Variants in NCOR2 observed in about 807,000 individuals in gnomAD.
NCOR2 encodes nuclear receptor corepressor 2, also known as CTG repeat protein 26.
In NCOR2, 81 loss-of-function variants were observed where a neutral mutation model predicts 262.9. The ratio of observed to expected loss-of-function variants is 0.31; its 90% CI spans 0.26 to 0.37. The LOEUF (loss-of-function observed/expected upper bound fraction) is 0.37. NCOR2 is among the 10% of genes least tolerant of loss of function. The pLI is 1.00. For missense variants in NCOR2, 3,385 were observed against 3,621.4 expected, an observed-to-expected ratio of 0.93 and a Z score of 1.68; for synonymous variants, 1,659 against 1,559.3, an observed-to-expected ratio of 1.06 and a Z score of -1.51.
chr12:124,486,441 C>T, exon 2 of NCOR2: 3 of 1,612,610 alleles, frequency 1.9e-6, no homozygotes, highest in Non-Finnish European at 2.5e-6. Flanking sequence ...CTCTCCTCAC[C>T]GTTCATTCCC....
intron 1 of NCOR2, chr12:124,556,115 G>C (rs1234018411): frequency 6.6e-6 from 1 of 152,304 alleles, no homozygotes; most frequent in Admixed American, 6.5e-5. Flanking sequence ...CTCTCTGTGG[G>C]CTTATGTTCA....
At chr12:124,327,667 A>C in intron 44 of NCOR2, 34 bp from the exon 47 acceptor site, 25 of 1,220,242 alleles carry the variant, frequency 2.0e-5, no homozygotes, top group Non-Finnish European at 2.5e-5. Flanking sequence ...AGACAGACAC[A>C]TGGGGGCCGG....
At chr12:124,422,668 GC>G in intron 11 of NCOR2, 113 bp from the exon 14 acceptor site, 1 of 1,279,322 alleles carries the variant, frequency 7.8e-7, no homozygotes, top group Non-Finnish European at 1.1e-6. Context: ...GGCGGGCACC[GC>G]CCCACTTGGA....
chr12:124,379,708 C>T (rs1001440046), intron 17 of NCOR2, among the ~76,000 whole-genome samples: 6 of 152,228 alleles, frequency 3.9e-5, no homozygotes, highest in African/African-American at 1.4e-4. Context: ...TTCACATCAA[C>T]CCGGAACCTC....
At chr12:124,562,539 G>A (rs1240495839) in intron 1 of NCOR2, among the ~76,000 whole-genome samples, 2 of 151,978 alleles carry the variant, frequency 1.3e-5, no homozygotes, top group Non-Finnish European at 2.9e-5. Context: ...CACAGCCTTC[G>A]CCCACTCTCC....
intron 13 of NCOR2, among the ~76,000 whole-genome samples, chr12:124,416,016 G>A (rs1565922421): frequency 6.6e-6 from 1 of 152,036 alleles, no homozygotes; most frequent in South Asian, 2.1e-4. Flanking sequence ...TTAAAATCAG[G>A]CAGTTTCACA....
Position 124,548,695 on chromosome 12 carries a change from C to T in NCOR2, c.-164-13084G>A, listed in dbSNP as rs1263373218. ...GGCGGGGGATCTCCATGGCAGGGTC[C>T]CCACCCCAGGGATGTTTTTGGCTGC... On this transcript the variant is annotated intron_variant, in intron 1 of 32. Transcript: ENST00000458234. This position sits in a 1 kb window ranked among gnomAD's most constrained non-coding sequence, Gnocchi z 5.1. Among the ~76,000 whole-genome samples the T allele has an allele frequency of 6.6e-6, 1 of 151,990 alleles. No homozygotes were observed. The highest frequency in any genetic ancestry group is 1.9e-4 in the East Asian group (1 of 5,182).
Position 124,329,013 on chromosome 12 carries a change from G to A in NCOR2, c.6959-1380C>T, listed in dbSNP as rs1360154052. ...GTGAGTGCTGAAATCACAGCAGCGC[G>A]ACTGGGCCTTCTACCCAAGGCCACG... On this transcript the variant is annotated intron_variant, in intron 44 of 46. Transcript: ENST00000405201. The A allele has an allele frequency of 2.3e-5, 10 of 435,756 alleles. No homozygotes were observed. In the East Asian group the frequency reaches 7.2e-4, roughly 31 times the overall value. The allele number at this position is 435,756 out of a possible 1,614,324, so 27.0% of individuals were successfully genotyped here.
Position 124,432,790 on chromosome 12 carries a change from G to T in NCOR2, c.883-2003C>A, listed in dbSNP as rs1161970827. ...GCCTGCTGCATGTCCTTTGAGAAGA[G>T]ATCCCCAATCAGCCCAGAGCATAGC... On this transcript the variant is annotated intron_variant, in intron 8 of 46. Coordinates refer to ENST00000405201, the Ensembl canonical transcript of NCOR2. The surrounding 1 kb of genome is among the most constrained non-coding windows in gnomAD (Gnocchi z 5.1). Among the ~76,000 whole-genome samples, 1 of 143,632 alleles carries T rather than the reference G, an allele frequency of 7.0e-6. No individual in the cohort carries two copies. The highest frequency in any genetic ancestry group is 7.5e-5 in the Admixed American group (1 of 13,312). The allele number at this position is 143,632 out of a possible 152,430, so 94.2% of individuals were successfully genotyped here.
At chr12:124,364,286 A>C (rs1323027432) in intron 20 of NCOR2, among the ~76,000 whole-genome samples, 1 of 152,218 alleles carries the variant, frequency 6.6e-6, no homozygotes, top group African/African-American at 2.4e-5. Context: ...TCACCAAGAG[A>C]TTCCTCATCA....
intron 3 of NCOR2, among the ~76,000 whole-genome samples, chr12:124,473,457 T>A (rs1006763524): frequency 6.6e-6 from 1 of 152,180 alleles, no homozygotes; most frequent in Non-Finnish European, 1.5e-5. Context: ...CCCTCGAACA[T>A]CACACTCCAA....
rs958627720 is a variant in NCOR2, at chr12:124,428,086, T to TGTGTGTGTGTGTGTGTGTGTGCGC, written c.1150-1287_1150-1286insGCGCACACACACACACACACACAC. 7.9e-4 allele frequency among the ~76,000 whole-genome samples: 116 copies of TGTGTGTGTGTGTGTGTGTGTGCGC among 147,162 alleles called. 1 individual carries two copies. The highest frequency in any genetic ancestry group is 3.6e-3 in the Middle Eastern group (1 of 280). The stretch of plus-strand genomic sequence containing the variant: ...GTGTGTGTGTGTGTGTGTGTGTGTG[T>TGTGTGTGTGTGTGTGTGTGTGCGC]GTACATGCAACAATCAGCCCAGGTG... On this transcript the variant is annotated intron_variant, in intron 10 of 46. Transcript: ENST00000405201.
intron 38 of NCOR2, chr12:124,336,304 G>A (rs561498570): frequency 9.3e-4 from 154 of 166,286 alleles, no homozygotes; most frequent in Non-Finnish European, 1.7e-3. Flanking sequence ...GAGCCCTCCC[G>A]CAGCCCCATC....
At chr12:124,345,252 G>C (rs530842538) in intron 31 of NCOR2, among the ~76,000 whole-genome samples, 1 of 152,246 alleles carries the variant, frequency 6.6e-6, no homozygotes, top group Admixed American at 6.5e-5. Context: ...ATGGTCCCTG[G>C]AGTTTGCGAG....
At chr12:124,383,939 G>A (rs12370388) in intron 17 of NCOR2, among the ~76,000 whole-genome samples, 13,499 of 152,166 alleles carry the variant, frequency 0.089, 842 homozygotes, top group Non-Finnish European at 0.14. Flanking sequence ...CACACCCTGC[G>A]GAAGCCTGGA....
At chr12:124,391,534 G>A (rs543909386) in intron 16 of NCOR2, among the ~76,000 whole-genome samples, 4 of 151,928 alleles carry the variant, frequency 2.6e-5, no homozygotes, top group African/African-American at 9.7e-5. Flanking sequence ...CGGTGCCTCC[G>A]CATTGACACC....
In NCOR2 at chr12:124,378,464, G is replaced by A. The variant is rs528994332; in HGVS notation, c.2020-80C>T. The stretch of plus-strand genomic sequence containing the variant: ...GACTCCCCATGCCTGGGGCCTCGCC[G>A]CAGGTGCAAAGGGCAGTGATCCCGG... On this transcript the variant is annotated intron_variant, in intron 17 of 46. Coordinates refer to ENST00000405201, the Ensembl canonical transcript of NCOR2. This position sits in a 1 kb window ranked among gnomAD's most constrained non-coding sequence, Gnocchi z 4.2. 8 of 1,410,026 alleles carry A rather than the reference G, an allele frequency of 5.7e-6. No individual in the cohort carries two copies. Among genetic ancestry groups the A allele is most frequent in the South Asian group, 2.7e-5 (2 of 72,770 alleles). The allele number at this position is 1,410,026 out of a possible 1,614,324, so 87.3% of individuals were successfully genotyped here.
At chr12:124,344,482 T>C (rs2036754592) in intron 32 of NCOR2, 115 bp downstream of exon 34, 1 of 1,013,344 alleles carries the variant, frequency 9.9e-7, no homozygotes, top group Admixed American at 3.2e-5. Flanking sequence ...TTGGATGTGG[T>C]GGAAAGCGGG....
At chr12:124,515,793 T>TGTGA (rs201592343) in intron 1 of NCOR2, among the ~76,000 whole-genome samples, 2,303 of 152,206 alleles carry the variant, frequency 0.015, 59 homozygotes, top group African/African-American at 0.052. Context: ...TGTGTGTGCA[T>TGTGA]GTGTGAGTGT....
Sources: allele counts gnomAD v4.1 joint callset (sites outside exome capture counted in the v4.1 genomes callset), GRCh38; gene constraint gnomAD v4.1.1; non-coding constraint Gnocchi (gnomAD v3.1); transcripts MANE v1.5; gene names NCBI Gene and HGNC (gene_info 2026-07-23, HGNC 2026-07-21).